Variants in TXNDC16 observed in about 807,000 individuals in gnomAD.
TXNDC16 encodes thioredoxin domain-containing protein 16.
In TXNDC16, 74 loss-of-function variants were observed where a neutral mutation model predicts 85.6. That is an observed-to-expected ratio of 0.86 (90% CI 0.72 to 1.05). TXNDC16 has a LOEUF of 1.05. Among genes scored for constraint, TXNDC16 ranks in the 50% least tolerant of loss-of-function variants. The pLI is 0.00. For missense variants in TXNDC16, 959 were observed against 947.0 expected (o/e 1.01, Z -0.17); for synonymous variants, 335 against 326.5 (o/e 1.03, Z -0.28).
Position 52,490,729 on chromosome 14 carries a change from A to C in TXNDC16, c.923+110T>G, listed in dbSNP as rs1017926060. On this transcript the variant is annotated intron_variant, in intron 10 of 20. Coordinates refer to ENST00000281741, the MANE Select transcript of TXNDC16 (RefSeq NM_020784.3). ...CAGCAACTAGTTCTAACTATATTGG[A>C]ATCTATTAGAGATTTGAGTTTACTT... 2.5e-5 allele frequency: 30 copies of C among 1,190,734 alleles called. No individual in the cohort carries two copies. In the Middle Eastern group the frequency reaches 7.6e-4, roughly 30 times the overall value. 73.8% of individuals were successfully genotyped at this position (1,190,734 alleles called of 1,614,324 possible).
intron 9 of TXNDC16, among the ~76,000 whole-genome samples, chr14:52,496,090 G>A (rs1488586429): frequency 6.6e-6 from 1 of 151,684 alleles, no homozygotes; most frequent in African/African-American, 2.4e-5. Flanking sequence ...AACCTGAGAG[G>A]TGGAGCTTGC....
At chr14:52,500,785 A>C (rs2357631) in intron 9 of TXNDC16, among the ~76,000 whole-genome samples, 39,443 of 151,356 alleles carry the variant, frequency 0.26, 5,236 homozygotes, top group East Asian at 0.38. Flanking sequence ...AGTGTCTTGA[A>C]TCTGAGACAG....
intron 10 of TXNDC16, 68 bp from the exon 11 acceptor site, chr14:52,490,519 A>G (rs1192593681): frequency 2.6e-6 from 3 of 1,174,436 alleles, no homozygotes; most frequent in Non-Finnish European, 2.4e-6. Context: ...CAGGACTTCA[A>G]TAGAAAATAG....
In TXNDC16 at chr14:52,432,578, G is replaced by C. The variant is rs2140095579; in HGVS notation, c.2204C>G (p.Pro735Arg). ...AAGAGGAGGTTTCCATTCTTGAGCA[G>C]GTAAAATTGCTGGAAGGAAGAAACA... ...AGLENHITIL[P>R]AQEWKPPLPA... Residue 735 changes from proline to arginine, a missense_variant, in exon 21 of 21, where the codon CCT (proline) becomes CGT (arginine). Coordinates refer to ENST00000281741, the MANE Select transcript of TXNDC16 (RefSeq NM_020784.3). 3 of 1,598,690 alleles carry C rather than the reference G, an allele frequency of 1.9e-6. No individual in the cohort carries two copies. The East Asian group carries it at 6.8e-5, about 36-fold the overall frequency.
rs200076357 is a variant in TXNDC16, at chr14:52,482,212, C to A, written c.1312+18G>T. On this transcript the variant is annotated intron_variant, in intron 14 of 20. Transcript: ENST00000281741. ...GCTTAGAATCAGAATAATAAGCATGCATAGCACAGTACACTACCTTTCAGT... is the reference window on the plus strand; with the variant it reads ...GCTTAGAATCAGAATAATAAGCATGAATAGCACAGTACACTACCTTTCAGT... 1.4e-4 allele frequency: 218 copies of A among 1,600,966 alleles called. No homozygotes were observed. The African/African-American group carries it at 2.5e-3, about 18-fold the overall frequency.
At chr14:52,436,023 A>G (rs958512834) in intron 20 of TXNDC16, among the ~76,000 whole-genome samples, 1 of 152,132 alleles carries the variant, frequency 6.6e-6, no homozygotes, top group African/African-American at 2.4e-5. Flanking sequence ...AAAACAAAGT[A>G]GGAGTAATCA....
Position 52,510,580 on chromosome 14 carries a change from T to C in TXNDC16, c.756+660A>G, listed in dbSNP as rs548948624. Reference sequence around the variant, plus strand: ...TTAACTTCTGAGTAGACGGATTAAGTGACTTCTTAAAACTTTTCCTTCATA... The same window carrying C: ...TTAACTTCTGAGTAGACGGATTAAGCGACTTCTTAAAACTTTTCCTTCATA... On this transcript the variant is annotated intron_variant, in intron 9 of 20. Transcript: ENST00000281741. Among the ~76,000 whole-genome samples the C allele has an allele frequency of 1.8e-3, 278 of 152,346 alleles. 1 individual carries two copies. The highest frequency in any genetic ancestry group is 3.4e-3 in the Non-Finnish European group (231 of 68,032).
At chr14:52,504,328 G>A (rs1445402662) in intron 9 of TXNDC16, among the ~76,000 whole-genome samples, 1 of 152,166 alleles carries the variant, frequency 6.6e-6, no homozygotes, top group African/African-American at 2.4e-5. Flanking sequence ...GAGAAAGGTC[G>A]GGTTACCCAC....
chr14:52,454,130 C>G (rs530944447), intron 18 of TXNDC16, among the ~76,000 whole-genome samples: 1 of 152,078 alleles, frequency 6.6e-6, no homozygotes, highest in Non-Finnish European at 1.5e-5. Context: ...ATGTTTGTAT[C>G]AAAATACCTC....
Position 52,432,276 on chromosome 14 carries a change from A to G in TXNDC16, c.*28T>C. 6.5e-7 allele frequency: 1 copy of G among 1,547,714 alleles called. No homozygotes were observed. The highest frequency in any genetic ancestry group is 8.7e-7 in the Non-Finnish European group (1 of 1,152,384). On this transcript the variant is annotated 3_prime_UTR_variant, in exon 21 of 21. Transcript: ENST00000281741. Reference sequence around the variant, plus strand: ...ATAAATTAAGTCTATCATGCCAAAAAAATTTTGGAAACCACAGCCCTATAA... The same window carrying G: ...ATAAATTAAGTCTATCATGCCAAAAGAATTTTGGAAACCACAGCCCTATAA...
chr14:52,524,267 T>G lies in TXNDC16; in HGVS notation c.393-4974A>C, dbSNP rs4898761. The stretch of plus-strand genomic sequence containing the variant: ...CAATAATGTGTTAAAGAATAAAATA[T>G]TAGTGGAAACTATGACAGTTAAAAA... On this transcript the variant is annotated intron_variant, in intron 6 of 20. Transcript: ENST00000281741. Among the ~76,000 whole-genome samples the G allele has an allele frequency of 8.2e-3, 1,251 of 152,314 alleles. 10 individuals carry two copies. Among genetic ancestry groups the G allele is most frequent in the Non-Finnish European group, 0.011 (771 of 68,040 alleles).
intron 9 of TXNDC16, among the ~76,000 whole-genome samples, chr14:52,509,987 TAA>T (rs35562977): frequency 1.5e-4 from 16 of 106,886 alleles, no homozygotes; most frequent in African/African-American, 1.4e-4. Context: ...TCTCAAGAAA[TAA>T]AAAAAAAAAA....
rs1206815501 is a variant in TXNDC16 at position 52,455,377 on chromosome 14, T to C, written c.1789A>G (p.Thr597Ala). ...GKIESIPLAS[T>A]HAQDIVQIIT... ...ATTTGAACTATGTCTTGTGCATGTGTGCTAGCTAGTGGGATGCTCTCTATT... is the reference window on the plus strand; with the variant it reads ...ATTTGAACTATGTCTTGTGCATGTGCGCTAGCTAGTGGGATGCTCTCTATT... The change falls in exon 18 of 21, where the codon ACA becomes GCA. Residue 597 changes from threonine to alanine, a missense_variant. Physicochemically the swap from Thr to Ala is moderately conservative, Grantham distance 58. Coordinates refer to ENST00000281741, the MANE Select transcript of TXNDC16 (RefSeq NM_020784.3). 1 of 1,613,936 alleles carries C rather than the reference T, an allele frequency of 6.2e-7. No individual in the cohort carries two copies. The highest frequency in any genetic ancestry group is 1.3e-5 in the African/African-American group (1 of 74,940).
chr14:52,451,865 T>C (rs2140111913), intron 18 of TXNDC16, among the ~76,000 whole-genome samples: 1 of 152,176 alleles, frequency 6.6e-6, no homozygotes, highest in African/African-American at 2.4e-5. Context: ...AAAGAAATAA[T>C]AGGCATCCAA....
chr14:52,437,998 T>C (rs764515722), intron 20 of TXNDC16, among the ~76,000 whole-genome samples: 1 of 152,108 alleles, frequency 6.6e-6, no homozygotes, highest in African/African-American at 2.4e-5. Flanking sequence ...TAGCTGCAGA[T>C]GGGGTATAAA....
intron 16 of TXNDC16, among the ~76,000 whole-genome samples, chr14:52,464,439 T>A (rs140746356): frequency 3.2e-3 from 485 of 152,294 alleles, no homozygotes; most frequent in African/African-American, 0.011. Context: ...TTTTATGATC[T>A]GAAGACTTAA....
Position 52,455,507 on chromosome 14 carries a change from T to C in TXNDC16, c.1704-45A>G, listed in dbSNP as rs199708159. On this transcript the variant is annotated intron_variant, in intron 17 of 20. Coordinates refer to ENST00000281741, the MANE Select transcript of TXNDC16 (RefSeq NM_020784.3). Reference sequence around the variant, plus strand: ...TAAAATTCACGATCAAAATCTAGCATGTCAAAAACATGAAAATCTAGGCTA... The same window carrying C: ...TAAAATTCACGATCAAAATCTAGCACGTCAAAAACATGAAAATCTAGGCTA... The C allele has an allele frequency of 2.9e-3, 4,742 of 1,607,894 alleles. 8 individuals carry two copies. Among genetic ancestry groups the C allele is most frequent in the Non-Finnish European group, 3.8e-3 (4,425 of 1,177,084 alleles).
At chr14:52,493,193 C>CTA (rs555994196) in intron 9 of TXNDC16, among the ~76,000 whole-genome samples, 2,559 of 126,084 alleles carry the variant, frequency 0.02, 49 homozygotes, top group Middle Eastern at 0.041. Flanking sequence ...TGTCACTGTT[C>CTA]TATATATATA....
chr14:52,531,133 A>G (rs1306587596), intron 6 of TXNDC16, among the ~76,000 whole-genome samples: 1 of 152,130 alleles, frequency 6.6e-6, no homozygotes, highest in Non-Finnish European at 1.5e-5. Context: ...AGATACCACT[A>G]TATACCTATT....
Sources: gnomAD v4.1 joint callset for allele counts (sites outside exome capture counted in the v4.1 genomes callset) on GRCh38, gnomAD v4.1.1 for gene constraint, MANE v1.5 for transcripts, NCBI Gene and HGNC (gene_info 2026-07-23, HGNC 2026-07-21) for gene names.